SSH2: variants seen among roughly 807,000 people sequenced by gnomAD.
SSH2 encodes the protein slingshot protein phosphatase 2.
A neutral mutation model predicts 135.2 loss-of-function variants in SSH2; 37 were observed. The ratio of observed to expected loss-of-function variants is 0.27; its 90% CI spans 0.21 to 0.36. SSH2 has a LOEUF of 0.36. Among genes scored for constraint, SSH2 ranks in the 10% least tolerant of loss-of-function variants. SSH2 has a pLI of 1.00. For missense variants in SSH2, 1,408 were observed against 1,765.3 expected (o/e 0.80, Z 3.63); for synonymous variants, 628 against 646.2 (o/e 0.97, Z 0.43).
At chr17:29,853,086 ATTTTTTTTTT>A (rs35782935) in intron 1 of SSH2, among the ~76,000 whole-genome samples, 1 of 134,778 alleles carries the variant, frequency 7.4e-6, no homozygotes, top group Non-Finnish European at 1.6e-5. Context: ...CACTGCAGAG[ATTTTTTTTTT>A]TTTTTTTTTC....
At chr17:29,879,186 A>G (rs2066090760) in intron 1 of SSH2, among the ~76,000 whole-genome samples, 1 of 152,180 alleles carries the variant, frequency 6.6e-6, no homozygotes, top group South Asian at 2.1e-4. Context: ...AATTTAAACT[A>G]AGAATATTGA....
chr17:29,760,956 T>A, intron 3 of SSH2: 1 of 418,996 alleles, frequency 2.4e-6, no homozygotes, highest in Non-Finnish European at 4.1e-6. Context: ...CCCGGGACAC[T>A]TTCCGCCTCC....
intron 2 of SSH2, among the ~76,000 whole-genome samples, chr17:29,845,540 G>C (rs1186116661): frequency 2.6e-5 from 4 of 152,164 alleles, no homozygotes; most frequent in Admixed American, 6.5e-5. Context: ...TGAATGAAAG[G>C]CTTGGCAATA....
intron 2 of SSH2, among the ~76,000 whole-genome samples, chr17:29,823,158 T>C (rs2042682516): frequency 6.6e-6 from 1 of 152,222 alleles, no homozygotes; most frequent in South Asian, 2.1e-4. Context: ...ACTGACTTTC[T>C]GTGATGGCAA....
At chr17:29,784,170 T>A (rs995953108) in intron 3 of SSH2, among the ~76,000 whole-genome samples, 1 of 149,508 alleles carries the variant, frequency 6.7e-6, no homozygotes, top group Non-Finnish European at 1.5e-5. Context: ...GTGGATCACC[T>A]GAGATCAGGA....
At chr17:29,634,371 T>C (rs1358441956) in intron 15 of SSH2, among the ~76,000 whole-genome samples, 2 of 152,210 alleles carry the variant, frequency 1.3e-5, no homozygotes, top group Non-Finnish European at 2.9e-5. Context: ...TGTATTGTAA[T>C]GATTTAAGAC....
intron 2 of SSH2, among the ~76,000 whole-genome samples, chr17:29,831,626 C>T (rs1297845693): frequency 6.8e-6 from 1 of 147,692 alleles, no homozygotes; most frequent in African/African-American, 2.5e-5. Context: ...TGCTCAAGTG[C>T]AATGGTGCGA....
chr17:29,747,769 C>T (rs773404645), intron 3 of SSH2, among the ~76,000 whole-genome samples: 31 of 152,084 alleles, frequency 2.0e-4, no homozygotes, highest in Non-Finnish European at 3.2e-4. Context: ...GTTCTTTAGC[C>T]CCAAGGCAGT....
intron 2 of SSH2, among the ~76,000 whole-genome samples, chr17:29,835,393 G>T (rs563608592): frequency 1.3e-5 from 2 of 152,310 alleles, no homozygotes; most frequent in East Asian, 3.9e-4. Context: ...TCAAATTCAA[G>T]GTTGTATTTC....
intron 1 of SSH2, among the ~76,000 whole-genome samples, chr17:29,927,008 G>T (rs946713262): frequency 6.6e-6 from 1 of 152,104 alleles, no homozygotes; most frequent in African/African-American, 2.4e-5. Flanking sequence ...ATGACACTGC[G>T]CATATTCCTT....
At chr17:29,834,624 G>A (rs1016276036) in intron 2 of SSH2, among the ~76,000 whole-genome samples, 2 of 151,648 alleles carry the variant, frequency 1.3e-5, no homozygotes, top group African/African-American at 4.8e-5. Context: ...TTCTTTTATT[G>A]TTTCTGGGTT....
At chr17:29,731,559 G>A (rs1478491753) in intron 3 of SSH2, among the ~76,000 whole-genome samples, 1 of 151,884 alleles carries the variant, frequency 6.6e-6, no homozygotes, top group Non-Finnish European at 1.5e-5. Flanking sequence ...AGGTTCAAGC[G>A]ATTCTCGTGC....
intron 2 of SSH2, among the ~76,000 whole-genome samples, chr17:29,830,205 C>T (rs144722594): frequency 6.6e-6 from 1 of 152,276 alleles, no homozygotes; most frequent in Non-Finnish European, 1.5e-5. Context: ...TTTATCAGCA[C>T]CAGCTTGAGT....
chr17:29,724,842 G>A (rs1213129215), intron 3 of SSH2, among the ~76,000 whole-genome samples: 2 of 151,094 alleles, frequency 1.3e-5, no homozygotes, highest in Non-Finnish European at 3.0e-5. Context: ...CACCCACCTC[G>A]GCCTCCCAAA....
chr17:29,775,482 G>T (rs1283128612), intron 3 of SSH2, among the ~76,000 whole-genome samples: 1 of 152,024 alleles, frequency 6.6e-6, no homozygotes, highest in East Asian at 1.9e-4. Context: ...AAATAATACA[G>T]TTCTAGAACA....
chr17:29,918,110 C>G (rs1180893933), intron 1 of SSH2, among the ~76,000 whole-genome samples: 1 of 152,044 alleles, frequency 6.6e-6, no homozygotes, highest in Non-Finnish European at 1.5e-5. Context: ...CACTTGAGCC[C>G]AGGAGGTTGA....
chr17:29,695,648 T>C (rs1362841160), intron 4 of SSH2, 125 bp from the exon 5 acceptor site: 6 of 718,146 alleles, frequency 8.4e-6, no homozygotes, highest in South Asian at 3.9e-5. Context: ...TAATTAGACA[T>C]AGAAATTAAA....
chr17:29,835,348 G>A (rs190307523), intron 2 of SSH2, among the ~76,000 whole-genome samples: 91 of 152,280 alleles, frequency 6.0e-4, no homozygotes, highest in Non-Finnish European at 8.4e-4. Context: ...TAGCCAAAAC[G>A]GCATTGCACT....
At position 29,701,303 on chromosome 17, in the gene SSH2, C is replaced by T. The variant is rs189231651; in HGVS notation, c.292+1656G>A. Reference sequence around the variant, plus strand: ...TGTATTTTTTATAGAGATGAGGTTTCGCCATGTTAGCCAGGCTGGTCTCAA... The same window carrying T: ...TGTATTTTTTATAGAGATGAGGTTTTGCCATGTTAGCCAGGCTGGTCTCAA... On this transcript the variant is annotated intron_variant, in intron 4 of 15. Transcript: ENST00000540801. 4.2e-4 allele frequency among the ~76,000 whole-genome samples: 63 copies of T among 151,774 alleles called. 1 individual carries two copies. In the East Asian group the frequency reaches 8.2e-3, roughly 20 times the overall value.
Sources: gnomAD v4.1 joint callset for allele counts (sites outside exome capture counted in the v4.1 genomes callset) on GRCh38, gnomAD v4.1.1 for gene constraint, MANE v1.5 for transcripts, NCBI Gene and HGNC (gene_info 2026-07-23, HGNC 2026-07-21) for gene names.